SHISAL2A: variants seen among roughly 807,000 people sequenced by gnomAD.
SHISAL2A encodes shisa like 2A.
SHISAL2A carries 18 observed loss-of-function variants against 11.5 expected under a neutral mutation model. That is an observed-to-expected ratio of 1.57 (90% CI 1.08 to 2.33). SHISAL2A has a LOEUF of 2.33. SHISAL2A is among the 30% of genes most tolerant of loss of function. The pLI is 0.00. For missense variants in SHISAL2A, 261 were observed against 250.9 expected, an observed-to-expected ratio of 1.04 and a Z score of -0.27; for synonymous variants, 94 against 99.6, an observed-to-expected ratio of 0.94 and a Z score of 0.34.
chr1:52,669,336 A>T (rs1692068420), exon 6 of SHISAL2A: 2 of 151,932 alleles, frequency 1.3e-5, no homozygotes, highest in South Asian at 4.2e-4. Flanking sequence ...GCTGAATCAG[A>T]TAGCAGCCCA....
At position 52,657,047 on chromosome 1, in the gene SHISAL2A, A is replaced by T. The variant is rs767477348; in HGVS notation, c.*7A>T. 1.8e-5 allele frequency: 28 copies of T among 1,581,926 alleles called. No homozygotes were observed. Among genetic ancestry groups the T allele is most frequent in the Non-Finnish European group, 2.2e-5 (26 of 1,161,132 alleles). ...ATGTGGACCAGTCCCATAAACATTC[A>T]ATAAATGTCTCCATACCATCCCCTT... On this transcript the variant is annotated 3_prime_UTR_variant, in exon 3 of 3. Transcript: ENST00000517870.
intron 1 of SHISAL2A, among the ~76,000 whole-genome samples, chr1:52,639,293 T>C (rs1328578169): frequency 6.6e-6 from 1 of 152,194 alleles, no homozygotes; most frequent in Non-Finnish European, 1.5e-5. Context: ...AGACAGCCTG[T>C]TAGTTGGTGT....
At chr1:52,634,927 A>AT (rs1435963688) in intron 1 of SHISAL2A, among the ~76,000 whole-genome samples, 7 of 152,336 alleles carry the variant, frequency 4.6e-5, no homozygotes, top group Admixed American at 2.0e-4. Flanking sequence ...AACTTGACAT[A>AT]TGCCAATGAC....
At chr1:52,653,742 C>T (rs960231975) in intron 2 of SHISAL2A, among the ~76,000 whole-genome samples, 17 of 152,056 alleles carry the variant, frequency 1.1e-4, no homozygotes, top group African/African-American at 3.9e-4. Context: ...AAATTGCAAC[C>T]CGCCCTTTTT....
At chr1:52,660,218 G>T (rs1472454160), downstream of SHISAL2A, among the ~76,000 whole-genome samples, 1 of 152,122 alleles carries the variant, frequency 6.6e-6, no homozygotes, top group Non-Finnish European at 1.5e-5. Context: ...ACTGAGCAAG[G>T]CCCTGAAGAC....
At chr1:52,649,593 C>T (rs545276661) in intron 2 of SHISAL2A, among the ~76,000 whole-genome samples, 1 of 152,292 alleles carries the variant, frequency 6.6e-6, no homozygotes, top group East Asian at 1.9e-4. Context: ...GCAATGAAGA[C>T]CATAACTTTC....
downstream of SHISAL2A, among the ~76,000 whole-genome samples, chr1:52,660,755 G>GT (rs1007235770): frequency 5.9e-5 from 9 of 152,068 alleles, no homozygotes; most frequent in Non-Finnish European, 1.2e-4. Flanking sequence ...CCTGCTAGGT[G>GT]TTTTTTTCTC....
In SHISAL2A at chr1:52,633,675, GGTACC is replaced by G; in HGVS notation, c.182+3_182+7del. On this transcript the variant is annotated splice_donor_variant and splice_donor_5th_base_variant and intron_variant, in intron 1 of 2. Coordinates refer to ENST00000517870, the MANE Select transcript of SHISAL2A (RefSeq NM_001042693.3). LOFTEE classifies it high-confidence loss of function. The surrounding 1 kb of genome is among the most constrained non-coding windows in gnomAD (Gnocchi z 6.4). ...GAGCACAGCTACATGTGGTGGCTCA[GGTACC>G]GTCCCTGGCCCTCACCCTACCTTGA... The G allele has an allele frequency of 6.2e-7, 1 of 1,603,488 alleles. No homozygotes were observed. The highest frequency in any genetic ancestry group is 8.5e-7 in the Non-Finnish European group (1 of 1,175,360).
intron 5 of SHISAL2A, chr1:52,668,406 A>C (rs1043947096): frequency 6.6e-6 from 1 of 151,248 alleles, no homozygotes; most frequent in African/African-American, 2.4e-5. Context: ...GACTCCTTCC[A>C]GCGTCAGCTT....
chr1:52,653,286 C>CAAA (rs59878820), intron 2 of SHISAL2A, among the ~76,000 whole-genome samples: 6 of 36,438 alleles, frequency 1.6e-4, no homozygotes, highest in Admixed American at 4.6e-4. Flanking sequence ...CCTGTCTCTA[C>CAAA]AAAAAAAAAA....
At chr1:52,663,835 T>G (rs191735496) in intron 4 of SHISAL2A, among the ~76,000 whole-genome samples, 1 of 152,318 alleles carries the variant, frequency 6.6e-6, no homozygotes, top group Admixed American at 6.5e-5. Flanking sequence ...AGTTCAGTCT[T>G]TACATTAGTG....
downstream of SHISAL2A, among the ~76,000 whole-genome samples, chr1:52,659,754 C>T (rs772338534): frequency 2.0e-5 from 3 of 152,224 alleles, no homozygotes; most frequent in Non-Finnish European, 4.4e-5. Flanking sequence ...ACGCTCTGTG[C>T]GACCCTTCAC....
At chr1:52,658,795 T>C (rs754022231), downstream of SHISAL2A, among the ~76,000 whole-genome samples, 1 of 152,234 alleles carries the variant, frequency 6.6e-6, no homozygotes, top group African/African-American at 2.4e-5. Context: ...ACAAGGACTG[T>C]GGAGACGCAG....
chr1:52,646,971 A>G (rs913663277), intron 2 of SHISAL2A, among the ~76,000 whole-genome samples: 2 of 152,140 alleles, frequency 1.3e-5, no homozygotes, highest in African/African-American at 4.8e-5. Flanking sequence ...CTGAGACTAC[A>G]GGCACCCAAC....
chr1:52,669,108 A>G (rs1219378494), exon 6 of SHISAL2A: 3 of 150,398 alleles, frequency 2.0e-5, no homozygotes, highest in African/African-American at 7.3e-5. Context: ...AATAAAACTG[A>G]CACAAGCCCA....
intron 2 of SHISAL2A, among the ~76,000 whole-genome samples, chr1:52,647,735 C>G (rs61552299): frequency 6.6e-6 from 1 of 151,764 alleles, no homozygotes; most frequent in Non-Finnish European, 1.5e-5. Context: ...GATCCAGCTA[C>G]CTGGGGAGCT....
chr1:52,661,696 G>T (rs141549274), downstream of SHISAL2A, among the ~76,000 whole-genome samples: 8 of 152,236 alleles, frequency 5.3e-5, no homozygotes, highest in East Asian at 1.5e-3. Flanking sequence ...TGAGAGAGTT[G>T]ACTGAAGACA....
At chr1:52,645,612 C>A (rs1308442056) in intron 2 of SHISAL2A, among the ~76,000 whole-genome samples, 3 of 152,114 alleles carry the variant, frequency 2.0e-5, no homozygotes, top group African/African-American at 7.2e-5. Flanking sequence ...TTTCACCGTC[C>A]TGCTCAGGCT....
chr1:52,633,386 C>T lies in SHISAL2A; in HGVS notation c.-108C>T, dbSNP rs1691168937. The stretch of plus-strand genomic sequence containing the variant: ...TCTCGGCCCCTGGGTCTCTTCGTCT[C>T]TGCCGTTCTCAGGCTCAGCTCCGTC... On this transcript the variant is annotated 5_prime_UTR_variant, in exon 1 of 3. Coordinates refer to ENST00000517870, the MANE Select transcript of SHISAL2A (RefSeq NM_001042693.3). This position sits in a 1 kb window ranked among gnomAD's most constrained non-coding sequence, Gnocchi z 6.4. 5 of 1,029,192 alleles carry T rather than the reference C, an allele frequency of 4.9e-6. No homozygotes were observed. The South Asian group carries it at 5.5e-5, about 11-fold the overall frequency. The allele number at this position is 1,029,192 out of a possible 1,614,324, so 63.8% of individuals were successfully genotyped here. A position where few individuals can be genotyped will look rare whatever the true frequency, so the allele number is the denominator to read the frequency against.
Sources: gnomAD v4.1 joint callset for allele counts (sites outside exome capture counted in the v4.1 genomes callset) on GRCh38, gnomAD v4.1.1 for gene constraint, Gnocchi (gnomAD v3.1) non-coding constraint, MANE v1.5 for transcripts, NCBI Gene and HGNC (gene_info 2026-07-23, HGNC 2026-07-21) for gene names.